Variants in DYTN observed in about 807,000 individuals in gnomAD.
DYTN encodes the protein dystrotelin.
A neutral mutation model predicts 69.6 loss-of-function variants in DYTN; 75 were observed. That is an observed-to-expected ratio of 1.08 (90% CI 0.89 to 1.31). The LOEUF is 1.31. DYTN is among the 50% of genes most tolerant of loss of function. The pLI is 0.00. For missense variants in DYTN, 726 were observed against 688.4 expected, an observed-to-expected ratio of 1.05 and a Z score of -0.61; for synonymous variants, 252 against 249.1, an observed-to-expected ratio of 1.01 and a Z score of -0.11.
chr2:206,695,865 T>A (rs1344404359), intron 7 of DYTN, among the ~76,000 whole-genome samples: 1 of 152,194 alleles, frequency 6.6e-6, no homozygotes, highest in Non-Finnish European at 1.5e-5. Context: ...CTAGCTATAG[T>A]CCCTACCTGT....
At chr2:206,700,681 G>A (rs1425567758) in intron 5 of DYTN, among the ~76,000 whole-genome samples, 2 of 151,924 alleles carry the variant, frequency 1.3e-5, no homozygotes, top group African/African-American at 4.8e-5. Context: ...TGCCATGGTG[G>A]TTTGCTGCAC....
intron 3 of DYTN, 40 bp downstream of exon 3, chr2:206,707,262 C>A (rs1700036097): frequency 6.3e-7 from 1 of 1,585,298 alleles, no homozygotes; most frequent in Admixed American, 1.8e-5. Context: ...GGAAACTAAA[C>A]TTTGCCTTTG....
intron 1 of DYTN, among the ~76,000 whole-genome samples, chr2:206,712,363 A>G (rs1322718418): frequency 1.3e-5 from 2 of 152,194 alleles, no homozygotes; most frequent in East Asian, 3.8e-4. Context: ...TCTTTGTGAC[A>G]GCAGTTTCAG....
At chr2:206,697,599 A>G (rs1699932862) in intron 7 of DYTN, among the ~76,000 whole-genome samples, 1 of 152,234 alleles carries the variant, frequency 6.6e-6, no homozygotes, top group South Asian at 2.1e-4. Flanking sequence ...GTTTAGAGCT[A>G]AAGAAGTCTC....
chr2:206,712,255 C>T (rs1265723895), intron 1 of DYTN, among the ~76,000 whole-genome samples: 1 of 152,100 alleles, frequency 6.6e-6, no homozygotes, highest in Non-Finnish European at 1.5e-5. Context: ...TCTTAGCAGG[C>T]CCCGGGGGTA....
At position 206,694,783 on chromosome 2, in the gene DYTN, T is replaced by C. The variant is rs889276503; in HGVS notation, c.814A>G (p.Ile272Val). 12 of 1,607,254 alleles carry C rather than the reference T, an allele frequency of 7.5e-6. No individual in the cohort carries two copies. The highest frequency in any genetic ancestry group is 9.3e-6 in the Non-Finnish European group (11 of 1,178,144). ...AATGTTACCTGAATGCAGTGCTCAA[T>C]GACAGGATGAGACTTCTGATGGGAC... ...SKSHQKSHPV[I>V]EHCIQMSAMQ... The change falls in exon 8 of 12, where the codon ATT becomes GTT. Residue 272 changes from isoleucine (I) to valine (V), a missense_variant. Coordinates refer to ENST00000452335, the MANE Select transcript of DYTN (RefSeq NM_001093730.1).
At position 206,696,710 on chromosome 2, in the gene DYTN, C is replaced by T. The variant is rs112737352; in HGVS notation, c.720-1833G>A. 6.4e-3 allele frequency among the ~76,000 whole-genome samples: 973 copies of T among 152,204 alleles called. 4 individuals are homozygous for T. The highest frequency in any genetic ancestry group is 0.011 in the African/African-American group (462 of 41,514). ...CCCAGGTTACTATCTGAACTGATGG[C>T]CTGCCATTTTAACCACTAGAATAGA... is the stretch of plus-strand genomic sequence containing the variant. On this transcript the variant is annotated intron_variant, in intron 7 of 11. Transcript: ENST00000452335.
intron 9 of DYTN, among the ~76,000 whole-genome samples, chr2:206,671,643 T>C (rs1450110976): frequency 6.6e-6 from 1 of 152,220 alleles, no homozygotes; most frequent in African/African-American, 2.4e-5. Flanking sequence ...ATACATATGC[T>C]ATAAACTTAT....
chr2:206,668,892 C>T lies in DYTN; in HGVS notation c.981-2863G>A, dbSNP rs115731550. Among the ~76,000 whole-genome samples the T allele has an allele frequency of 9.9e-3, 1,512 of 152,268 alleles. 28 individuals are homozygous for T. The highest frequency in any genetic ancestry group is 0.033 in the African/African-American group (1,370 of 41,538). The stretch of plus-strand genomic sequence containing the variant: ...TTATAAGCATCTGGCGTTTCCCCCG[C>T]TTGTCCTCACTCCATCCTGCCACCC... On this transcript the variant is annotated intron_variant, in intron 9 of 11. Coordinates refer to ENST00000452335, the MANE Select transcript of DYTN (RefSeq NM_001093730.1).
At chr2:206,660,629 A>G (rs1699502259) in intron 11 of DYTN, among the ~76,000 whole-genome samples, 1 of 152,212 alleles carries the variant, frequency 6.6e-6, no homozygotes, top group South Asian at 2.1e-4. Flanking sequence ...CATGACCCCA[A>G]AAATGTTTAG....
intron 9 of DYTN, among the ~76,000 whole-genome samples, chr2:206,691,531 G>A (rs931541154): frequency 6.6e-6 from 1 of 152,036 alleles, no homozygotes; most frequent in African/African-American, 2.4e-5. Context: ...TACTTTCCTA[G>A]TGAAAGGTAA....
chr2:206,702,668 C>T (rs1179220758), intron 5 of DYTN, among the ~76,000 whole-genome samples: 1 of 152,188 alleles, frequency 6.6e-6, no homozygotes, highest in East Asian at 1.9e-4. Context: ...CCTCTGATGT[C>T]CTTGAGCCCT....
rs1320902843 is a variant in DYTN at position 206,704,919 on chromosome 2, T to C, written c.407A>G (p.Asn136Ser). 1.9e-6 allele frequency: 3 copies of C among 1,613,746 alleles called. No homozygotes were observed. The highest frequency in any genetic ancestry group is 2.5e-6 in the Non-Finnish European group (3 of 1,179,796). The change falls in exon 5 of 12, where the codon AAT becomes AGT. Residue 136 changes from asparagine (N) to serine (S), a missense_variant. Transcript: ENST00000452335. ...CCCAGAATCATAGCCTCCCCTGCTA[T>C]TTTCTGCATAGAGTTGAAAAAGAGC... ...YRALFQLYAE[N>S]SRGGYDSGPR...
At chr2:206,700,571 CTTAAAGT>C (rs746437591) in intron 5 of DYTN, among the ~76,000 whole-genome samples, 38 of 151,158 alleles carry the variant, frequency 2.5e-4, no homozygotes, top group Non-Finnish European at 5.2e-4. Flanking sequence ...ATAATACTGT[CTTAAAGT>C]TTAGAGTTTT....
At chr2:206,700,118 C>T (rs1178329398) in intron 6 of DYTN, 27 bp downstream of exon 6, 1 of 1,613,034 alleles carries the variant, frequency 6.2e-7, no homozygotes, top group Non-Finnish European at 8.5e-7. Flanking sequence ...CTGTCCCCAA[C>T]TCCAGGGACA....
chr2:206,670,074 T>A (rs1009618391), intron 9 of DYTN, among the ~76,000 whole-genome samples: 2 of 152,216 alleles, frequency 1.3e-5, no homozygotes, highest in African/African-American at 2.4e-5. Flanking sequence ...TAAGACACAA[T>A]AAGAAGATGA....
At chr2:206,657,637 A>T (rs944119642) in intron 11 of DYTN, among the ~76,000 whole-genome samples, 1 of 152,144 alleles carries the variant, frequency 6.6e-6, no homozygotes, top group Non-Finnish European at 1.5e-5. Flanking sequence ...GTTGTTGGAT[A>T]TAGTATTTTT....
chr2:206,686,546 T>C (rs1699811131), intron 9 of DYTN: 1 of 152,276 alleles, frequency 6.6e-6, no homozygotes, highest in Admixed American at 6.5e-5. Context: ...AAGTTCTCTG[T>C]GACCAGGTGG....
chr2:206,707,471 C>A lies in DYTN; in HGVS notation c.127G>T (p.Val43Phe), dbSNP rs376672997. The change falls in exon 3 of 12, where the codon GTC becomes TTC. Residue 43 changes from valine to phenylalanine, a missense_variant. Transcript: ENST00000452335. ...TCCCAGAAACTTGGACGCAGTAGGA[C>A]CTGCTGAATCAGGGAGCTGTCAATC... Reference protein sequence around the residue: ...DLIDSSLIQQVLLRPSFWEAR... With the variant: ...DLIDSSLIQQFLLRPSFWEAR... 1 of 1,611,556 alleles carries A rather than the reference C, an allele frequency of 6.2e-7. No homozygotes were observed.
Sources: gnomAD v4.1 joint callset for allele counts (sites outside exome capture counted in the v4.1 genomes callset) on GRCh38, gnomAD v4.1.1 for gene constraint, MANE v1.5 for transcripts, NCBI Gene and HGNC (gene_info 2026-07-23, HGNC 2026-07-21) for gene names.